GALNT17: variants seen among roughly 807,000 people sequenced by gnomAD.
The protein encoded by GALNT17 is polypeptide N-acetylgalactosaminyltransferase 17.
In GALNT17, 29 loss-of-function variants were observed where a neutral mutation model predicts 63.7. That is an observed-to-expected ratio of 0.46 (90% CI 0.34 to 0.62). The LOEUF is 0.62. Ranked by LOEUF, GALNT17 falls within the 20% of genes least tolerant of loss-of-function variation. The probability of loss-of-function intolerance (pLI) is 0.01; values close to 1 mark genes in which losing one functional copy is unlikely to be tolerated. For synonymous variants in GALNT17, 305 were observed against 318.3 expected, an observed-to-expected ratio of 0.96 and a Z score of 0.45; for missense variants, 603 against 799.6, an observed-to-expected ratio of 0.75 and a Z score of 2.97.
chr7:71,558,731 T>C (rs1562690514), intron 5 of GALNT17, among the ~76,000 whole-genome samples: 1 of 152,198 alleles, frequency 6.6e-6, no homozygotes, highest in Non-Finnish European at 1.5e-5. Flanking sequence ...TTCTCAAAGC[T>C]TCAAGGAAAT....
intron 1 of GALNT17, among the ~76,000 whole-genome samples, chr7:71,251,592 C>T (rs1052194713): frequency 1.3e-5 from 2 of 152,038 alleles, no homozygotes; most frequent in African/African-American, 4.8e-5. Flanking sequence ...AAATTTTTTT[C>T]GTAGAGATGG....
At position 71,665,463 on chromosome 7, in the gene GALNT17, A is replaced by G; in HGVS notation, c.1133A>G (p.His378Arg). ...GTCCTTCCTTGCTCACGGGTGGCCC[A>G]CATTGAGCGGAAGAAGAAGCCATAT... ...MEVLPCSRVA[H>R]IERKKKPYNS... Residue 378 changes from histidine to arginine, a missense_variant, in exon 7 of 11, where the codon CAC becomes CGC. Physicochemically the swap from His to Arg is conservative, Grantham distance 29. Transcript: ENST00000333538. 6.2e-7 allele frequency: 1 copy of G among 1,613,296 alleles called. No homozygotes were observed.
chr7:71,172,863 T>G (rs1788569875), intron 1 of GALNT17, among the ~76,000 whole-genome samples: 2 of 152,168 alleles, frequency 1.3e-5, no homozygotes, highest in African/African-American at 4.8e-5. Context: ...ATGGGACTTT[T>G]GAAATGAGGT....
chr7:71,168,895 C>A (rs1239855169), intron 1 of GALNT17, among the ~76,000 whole-genome samples: 1 of 152,136 alleles, frequency 6.6e-6, no homozygotes, highest in African/African-American at 2.4e-5. Flanking sequence ...ACCTGTCCAT[C>A]TTTTAAATGT....
intron 9 of GALNT17, among the ~76,000 whole-genome samples, chr7:71,691,989 G>A (rs554629625): frequency 1.3e-5 from 2 of 151,726 alleles, no homozygotes; most frequent in East Asian, 2.0e-4. Flanking sequence ...AGAGCTCACT[G>A]TAGCCGCGAC....
chr7:71,489,433 T>C (rs535228750), intron 5 of GALNT17, among the ~76,000 whole-genome samples: 1 of 152,322 alleles, frequency 6.6e-6, no homozygotes, highest in East Asian at 1.9e-4. Context: ...CCTCAGCTAT[T>C]TGCCATGGTA....
intron 3 of GALNT17, among the ~76,000 whole-genome samples, chr7:71,393,601 C>A (rs1173366683): frequency 6.6e-6 from 1 of 151,740 alleles, no homozygotes; most frequent in Admixed American, 6.6e-5. Context: ...TTAATGAGGG[C>A]AGATTGATCT....
chr7:71,295,554 C>T (rs192676129), intron 1 of GALNT17, among the ~76,000 whole-genome samples: 34 of 151,588 alleles, frequency 2.2e-4, no homozygotes, highest in Non-Finnish European at 3.1e-4. Flanking sequence ...CCCTCTCCCT[C>T]CTTCCTTTTT....
At chr7:71,271,473 A>G (rs921818798) in intron 1 of GALNT17, among the ~76,000 whole-genome samples, 3 of 152,212 alleles carry the variant, frequency 2.0e-5, no homozygotes, top group Non-Finnish European at 4.4e-5. Context: ...TGTCCAGGAA[A>G]CAGCCTTGGC....
chr7:71,277,917 A>G (rs376980511), intron 1 of GALNT17, among the ~76,000 whole-genome samples: 2 of 152,220 alleles, frequency 1.3e-5, no homozygotes, highest in African/African-American at 2.4e-5. Context: ...CAAATCCATT[A>G]TTTCTTTTCA....
intron 1 of GALNT17, among the ~76,000 whole-genome samples, chr7:71,168,013 G>A (rs911398246): frequency 5.3e-5 from 8 of 152,162 alleles, no homozygotes; most frequent in Middle Eastern, 3.2e-3. Context: ...ATTTATAACT[G>A]TGATCTATTT....
At chr7:71,620,542 GTCAC>G (rs1197399459) in intron 6 of GALNT17, among the ~76,000 whole-genome samples, 3 of 152,098 alleles carry the variant, frequency 2.0e-5, no homozygotes, top group Non-Finnish European at 4.4e-5. Context: ...AACCATTCTT[GTCAC>G]TCAGAGAGTA....
intron 1 of GALNT17, among the ~76,000 whole-genome samples, chr7:71,218,119 C>T (rs73365932): frequency 0.028 from 4,194 of 152,106 alleles, 194 homozygotes; most frequent in African/African-American, 0.094. Context: ...GTAGGCCGGG[C>T]GTGGTAGCTC....
intron 2 of GALNT17, among the ~76,000 whole-genome samples, chr7:71,352,818 G>A (rs1160702867): frequency 6.6e-6 from 1 of 152,126 alleles, no homozygotes; most frequent in Non-Finnish European, 1.5e-5. Context: ...GAAGCAGGTA[G>A]AAATCCAGGA....
chr7:71,524,683 G>A (rs975591326), intron 5 of GALNT17, among the ~76,000 whole-genome samples: 5 of 152,204 alleles, frequency 3.3e-5, no homozygotes, highest in African/African-American at 4.8e-5. Context: ...ATGACTTACT[G>A]TAGGTCTCTG....
rs188241057 is a variant in GALNT17, at chr7:71,161,536, T to C, written c.238+28496T>C. On this transcript the variant is annotated intron_variant, in intron 1 of 10. Coordinates refer to ENST00000333538, the MANE Select transcript of GALNT17 (RefSeq NM_022479.3). ...TTTCAGTGTTGATCAATTTTTTGGA[T>C]GGGATGGGCAGGGCAGGTTTTACAT... 5.9e-4 allele frequency among the ~76,000 whole-genome samples: 90 copies of C among 152,320 alleles called. 1 individual carries two copies. In the East Asian group the frequency reaches 0.013, roughly 23 times the overall value.
chr7:71,219,446 G>T (rs1426212630), intron 1 of GALNT17, among the ~76,000 whole-genome samples: 1 of 152,106 alleles, frequency 6.6e-6, no homozygotes, highest in African/African-American at 2.4e-5. Context: ...GAATGCTTCT[G>T]TGTCAGGTGC....
At position 71,712,360 on chromosome 7, in the gene GALNT17, GC is replaced by G. The variant is rs1157868619; in HGVS notation, c.*220del. ...CACAAGTTTCCTGCACCCTGGAAAA[GC>G]CCCCCACCCTTCCTCTGGGAAACTG... On this transcript the variant is annotated 3_prime_UTR_variant, in exon 11 of 11. Transcript: ENST00000333538. 4 of 468,438 alleles carry G rather than the reference GC, an allele frequency of 8.5e-6. No individual in the cohort carries two copies. In the East Asian group the frequency reaches 1.3e-4, roughly 16 times the overall value. The allele number at this position is 468,438 out of a possible 1,614,324, so 29.0% of individuals were successfully genotyped here. A position where few individuals can be genotyped will look rare whatever the true frequency, so the allele number is the denominator to read the frequency against.
chr7:71,163,637 A>T (rs1323325383), intron 1 of GALNT17, among the ~76,000 whole-genome samples: 1 of 152,088 alleles, frequency 6.6e-6, no homozygotes, highest in African/African-American at 2.4e-5. Context: ...TAATTTCTTG[A>T]TATTTGTTTG....
Sources: allele counts gnomAD v4.1 joint callset (sites outside exome capture counted in the v4.1 genomes callset), GRCh38; gene constraint gnomAD v4.1.1; transcripts MANE v1.5; gene names NCBI Gene and HGNC (gene_info 2026-07-23, HGNC 2026-07-21).